Variants in PIAS4 observed in about 807,000 individuals in gnomAD.
The protein encoded by PIAS4 is E3 SUMO-protein ligase PIAS4.
Under a neutral mutation model 58.0 loss-of-function variants are expected in PIAS4, and 7 were observed. That is an observed-to-expected ratio of 0.12 (90% CI 0.07 to 0.23). The LOEUF (loss-of-function observed/expected upper bound fraction) is 0.23, where lower values mean the gene tolerates loss of function less well. Ranked by LOEUF, PIAS4 falls within the 10% of genes least tolerant of loss-of-function variation. The probability of loss-of-function intolerance (pLI) is 1.00; values close to 1 mark genes in which losing one functional copy is unlikely to be tolerated. For synonymous variants in PIAS4, 364 were observed against 312.4 expected (o/e 1.17, Z -1.74); for missense variants, 550 against 709.5 (o/e 0.78, Z 2.55).
At chr19:4,016,779 A>C (rs955862956) in intron 2 of PIAS4, among the ~76,000 whole-genome samples, 6 of 152,170 alleles carry the variant, frequency 3.9e-5, no homozygotes, top group African/African-American at 1.4e-4. Flanking sequence ...GAGAGGGCTC[A>C]TTCATGGGGC....
rs1382317580 is a variant in PIAS4 at position 4,037,684 on chromosome 19, G to A, written c.1342G>A (p.Gly448Ser). The change falls in exon 11 of 11, where the codon GGT becomes AGT. Residue 448 changes from glycine (G) to serine (S), a missense_variant. Around this residue, in one of 4 missense-constraint regions of PIAS4, gnomAD observed 188 missense variants for 192.0 expected, o/e 0.98. Coordinates refer to ENST00000262971, the MANE Select transcript of PIAS4 (RefSeq NM_015897.4). The surrounding 1 kb of genome is among the most constrained non-coding windows in gnomAD (Gnocchi z 5.8). ...CGGGAGCGGTGCCCTGGGCAGCACG[G>A]GTGGCGGCGGCCCGGTGGGCAGCAT... The part of the protein sequence containing the change: ...VNGSGALGST[G>S]GGGPVGSMEN... 1.9e-6 allele frequency: 3 copies of A among 1,612,008 alleles called. No individual in the cohort carries two copies. The highest frequency in any genetic ancestry group is 2.5e-6 in the Non-Finnish European group (3 of 1,179,642).
intron 1 of PIAS4, 38 bp from the exon 2 acceptor site, chr19:4,012,885 T>C: frequency 6.4e-7 from 1 of 1,574,800 alleles, no homozygotes; most frequent in Non-Finnish European, 8.7e-7. Flanking sequence ...GCCTCGCAGC[T>C]GTGTCCTCTG....
chr19:4,033,718 C>G (rs1187466613), intron 9 of PIAS4, 138 bp downstream of exon 9: 4 of 752,134 alleles, frequency 5.3e-6, no homozygotes, highest in Non-Finnish European at 6.3e-6. Flanking sequence ...CTTTGGAAAC[C>G]CCGGGCTGCG....
At position 4,013,306 on chromosome 19, in the gene PIAS4, G is replaced by A. The variant is rs199843551; in HGVS notation, c.411G>A (p.Pro137=). 219 of 1,613,266 alleles carry A rather than the reference G, an allele frequency of 1.4e-4. No homozygotes were observed. Among genetic ancestry groups the A allele is most frequent in the Admixed American group, 2.8e-4 (17 of 60,026 alleles). ...LKPEVRLVKL[P]FFNMLDELLK... ...CAGAAGTCCGCCTGGTGAAGCTGCCGTTCTTTAATATGCTGGATGAGCTGC... is the reference window on the plus strand; with the variant it reads ...CAGAAGTCCGCCTGGTGAAGCTGCCATTCTTTAATATGCTGGATGAGCTGC... Residue 137 remains proline, a synonymous_variant, in exon 2 of 11, where the codon CCG becomes CCA. Coordinates refer to ENST00000262971, the MANE Select transcript of PIAS4 (RefSeq NM_015897.4). The surrounding 1 kb of genome is among the most constrained non-coding windows in gnomAD (Gnocchi z 5.1).
At chr19:4,011,619 G>A (rs926541322) in intron 1 of PIAS4, among the ~76,000 whole-genome samples, 2 of 152,232 alleles carry the variant, frequency 1.3e-5, no homozygotes, top group Non-Finnish European at 2.9e-5. Flanking sequence ...CAGGGACTCA[G>A]GGCAACGTGT....
In PIAS4 at chr19:4,038,519, G is replaced by A. The variant is rs2040328489; in HGVS notation, c.*644G>A. The stretch of plus-strand genomic sequence containing the variant: ...CTGGGGAGGGTTTAGCCACAGATGT[G>A]TTGTATTTTTTGAAAGTGCAATAAT... On this transcript the variant is annotated 3_prime_UTR_variant, in exon 11 of 11. Coordinates refer to ENST00000262971, the MANE Select transcript of PIAS4 (RefSeq NM_015897.4). The surrounding 1 kb of genome is among the most constrained non-coding windows in gnomAD (Gnocchi z 4.1). The A allele has an allele frequency of 6.6e-6, 1 of 152,150 alleles. No homozygotes were observed. The highest frequency in any genetic ancestry group is 6.5e-5 in the Admixed American group (1 of 15,274). The allele number at this position is 152,150 out of a possible 1,614,324, so 9.4% of individuals were successfully genotyped here.
At chr19:4,032,580 G>T (rs578135601) in intron 7 of PIAS4, among the ~76,000 whole-genome samples, 7 of 152,202 alleles carry the variant, frequency 4.6e-5, no homozygotes, top group African/African-American at 1.7e-4. Flanking sequence ...GGCGGGCACC[G>T]TCTTTTCCTT....
At chr19:4,026,644 G>A (rs1452119031) in intron 3 of PIAS4, among the ~76,000 whole-genome samples, 1 of 151,930 alleles carries the variant, frequency 6.6e-6, no homozygotes, top group Non-Finnish European at 1.5e-5. Context: ...GTCTGTCCTG[G>A]ACATTTCATA....
chr19:4,036,839 C>T (rs1279685057), intron 9 of PIAS4, among the ~76,000 whole-genome samples: 1 of 151,596 alleles, frequency 6.6e-6, no homozygotes, highest in African/African-American at 2.4e-5. Flanking sequence ...CCGTCACACA[C>T]ACACGCCCAC....
intron 7 of PIAS4, 105 bp from the exon 8 acceptor site, chr19:4,032,995 G>C (rs1420284823): frequency 1.3e-5 from 11 of 877,892 alleles, no homozygotes; most frequent in Admixed American, 1.9e-5. Flanking sequence ...ATCGTCAGGG[G>C]CCTGTTCTGG....
At chr19:4,029,530 C>T (rs1599228751) in intron 7 of PIAS4, among the ~76,000 whole-genome samples, 3 of 152,078 alleles carry the variant, frequency 2.0e-5, no homozygotes, top group African/African-American at 7.2e-5. Context: ...GGTGAGGCCC[C>T]GTTTAATCTT....
At chr19:4,026,997 G>A (rs1340576143) in intron 3 of PIAS4, among the ~76,000 whole-genome samples, 2 of 141,952 alleles carry the variant, frequency 1.4e-5, no homozygotes, top group East Asian at 2.1e-4. Flanking sequence ...ACAGGCACCC[G>A]CCACCACGCC....
chr19:4,029,615 G>A (rs1333236834), intron 7 of PIAS4, among the ~76,000 whole-genome samples: 4 of 151,652 alleles, frequency 2.6e-5, no homozygotes, highest in South Asian at 4.2e-4. Flanking sequence ...AGCTGAGACT[G>A]CATCGCTGCA....
chr19:4,037,802 A>T lies in PIAS4; in HGVS notation c.1460A>T (p.Glu487Val). ...GAGGAGGAGGAGGAAGAGGAGGAGG[A>T]AGACGAGGACGAAGAGGGGCCCCGG... ...EDEEEEEEEE[E>V]DEDEEGPRPK... is the part of the protein sequence containing the mutation. Residue 487 changes from glutamate (E) to valine (V), a missense_variant, in exon 11 of 11, where the codon GAA becomes GTA. Coordinates refer to ENST00000262971, the MANE Select transcript of PIAS4 (RefSeq NM_015897.4). The surrounding 1 kb of genome is among the most constrained non-coding windows in gnomAD (Gnocchi z 5.8). The T allele has an allele frequency of 6.3e-7, 1 of 1,590,548 alleles. No individual in the cohort carries two copies. Among genetic ancestry groups the T allele is most frequent in the Non-Finnish European group, 8.6e-7 (1 of 1,168,850 alleles).
At chr19:4,015,021 A>C (rs2040037440) in intron 2 of PIAS4, among the ~76,000 whole-genome samples, 1 of 152,106 alleles carries the variant, frequency 6.6e-6, no homozygotes, top group Non-Finnish European at 1.5e-5. Flanking sequence ...CTCCGCCTCC[A>C]CCTTTTTTCT....
chr19:4,033,588 C>G lies in PIAS4; in HGVS notation c.1142+8C>G. On this transcript the variant is annotated splice_region_variant and intron_variant, in intron 9 of 10. Transcript: ENST00000262971. ...CCAGCTCATCATCGACGGGTGAGCC[C>G]GGGGCCCCGGGGAGGGCGGCCGGAG... 6.3e-7 allele frequency: 1 copy of G among 1,592,268 alleles called. No individual in the cohort carries two copies. Among genetic ancestry groups the G allele is most frequent in the Non-Finnish European group, 8.5e-7 (1 of 1,170,066 alleles).
In PIAS4 at chr19:4,037,979, G is replaced by T. The variant is rs1280572106; in HGVS notation, c.*104G>T. 7.8e-7 allele frequency: 1 copy of T among 1,277,496 alleles called. No individual in the cohort carries two copies. The highest frequency in any genetic ancestry group is 1.1e-6 in the Non-Finnish European group (1 of 940,504). 79.1% of individuals were successfully genotyped at this position (1,277,496 alleles called of 1,614,324 possible). Reference sequence around the variant, plus strand: ...GACCTTTCTTTTTCTTTTTATTGTCGTTCGTTTTGTTTTTCCACCCTTTTG... The same window carrying T: ...GACCTTTCTTTTTCTTTTTATTGTCTTTCGTTTTGTTTTTCCACCCTTTTG... On this transcript the variant is annotated 3_prime_UTR_variant, in exon 11 of 11. Transcript: ENST00000262971. The surrounding 1 kb of genome is among the most constrained non-coding windows in gnomAD (Gnocchi z 5.8).
chr19:4,033,181 G>A lies in PIAS4; in HGVS notation c.981+8G>A, dbSNP rs2289861. Reference sequence around the variant, plus strand: ...GTGTCCCTCATCTGTCCGGTGAGTCGGGGCGCGGTCCCCTCCTCGAGGCCT... The same window carrying A: ...GTGTCCCTCATCTGTCCGGTGAGTCAGGGCGCGGTCCCCTCCTCGAGGCCT... On this transcript the variant is annotated splice_region_variant and intron_variant, in intron 8 of 10. Transcript: ENST00000262971. The A allele has an allele frequency of 4.6e-3, 7,454 of 1,605,908 alleles. 189 individuals carry two copies. In the African/African-American group the frequency reaches 0.068, roughly 15 times the overall value.
intron 9 of PIAS4, among the ~76,000 whole-genome samples, chr19:4,034,991 G>A (rs1417556188): frequency 2.0e-5 from 3 of 152,164 alleles, no homozygotes; most frequent in Non-Finnish European, 2.9e-5. Flanking sequence ...AGACATAAAC[G>A]TTCCCGTTGC....
Sources: gnomAD v4.1 joint callset for allele counts (sites outside exome capture counted in the v4.1 genomes callset) on GRCh38, gnomAD v4.1.1 for gene constraint, gnomAD v4.1.1 regional missense constraint, Gnocchi (gnomAD v3.1) non-coding constraint, MANE v1.5 for transcripts, NCBI Gene and HGNC (gene_info 2026-07-23, HGNC 2026-07-21) for gene names.